The following SORCS3 variants were observed in gnomAD, a reference collection of about 807,000 sequenced individuals.
The protein encoded by SORCS3 is VPS10 domain-containing receptor SorCS3.
In SORCS3, 57 loss-of-function variants were observed where a neutral mutation model predicts 146.3. The ratio of observed to expected loss-of-function variants is 0.39; its 90% CI spans 0.31 to 0.49. The LOEUF (loss-of-function observed/expected upper bound fraction) is 0.49, where lower values mean the gene tolerates loss of function less well. SORCS3 is among the 20% of genes least tolerant of loss of function. The probability of loss-of-function intolerance (pLI) is 0.92; values close to 1 mark genes in which losing one functional copy is unlikely to be tolerated. For missense variants in SORCS3, 1,341 were observed against 1,575.5 expected (o/e 0.85, Z 2.52); for synonymous variants, 653 against 618.5 (o/e 1.06, Z -0.83).
intron 1 of SORCS3, among the ~76,000 whole-genome samples, chr10:104,798,090 T>C (rs953201751): frequency 6.6e-6 from 1 of 152,180 alleles, no homozygotes; most frequent in Non-Finnish European, 1.5e-5. Flanking sequence ...ACTCAGGCAC[T>C]CATCAATTAG....
chr10:105,221,682 G>T (rs371190502), intron 19 of SORCS3, among the ~76,000 whole-genome samples: 1 of 152,122 alleles, frequency 6.6e-6, no homozygotes. Flanking sequence ...AAATAAGGAC[G>T]GCTAGATGGC....
At chr10:104,818,215 A>C (rs890974563) in intron 1 of SORCS3, among the ~76,000 whole-genome samples, 3 of 152,098 alleles carry the variant, frequency 2.0e-5, no homozygotes, top group Admixed American at 1.3e-4. Flanking sequence ...AGTTGTTTGT[A>C]AATGTGACCC....
In SORCS3 at chr10:104,707,575, G is replaced by C. The variant is rs915488872; in HGVS notation, c.627+65621G>C. ...CCACAATGCAGGTTTGCATATAATA[G>C]GAGAGAGGTGGCCAACATCCATAGA... On this transcript the variant is annotated intron_variant, in intron 1 of 26. Transcript: ENST00000369701. 2.0e-5 allele frequency among the ~76,000 whole-genome samples: 3 copies of C among 152,148 alleles called. No individual in the cohort carries two copies. In the East Asian group the frequency reaches 5.8e-4, roughly 29 times the overall value.
At chr10:104,705,988 C>T (rs935647205) in intron 1 of SORCS3, among the ~76,000 whole-genome samples, 1 of 152,082 alleles carries the variant, frequency 6.6e-6, no homozygotes, top group South Asian at 2.1e-4. Flanking sequence ...CAAAATGAGA[C>T]TGTGAAGAGA....
At chr10:105,172,462 C>T (rs115158977) in intron 13 of SORCS3, among the ~76,000 whole-genome samples, 2,614 of 152,230 alleles carry the variant, frequency 0.017, 65 homozygotes, top group African/African-American at 0.057. Flanking sequence ...ATGTTATTCC[C>T]TTATTCTATC....
At chr10:104,738,696 C>T (rs981280211) in intron 1 of SORCS3, among the ~76,000 whole-genome samples, 2 of 152,140 alleles carry the variant, frequency 1.3e-5, no homozygotes, top group African/African-American at 4.8e-5. Context: ...ACCAACAGAC[C>T]TTGGGAAATG....
At chr10:105,059,406 A>C (rs1450793623) in intron 5 of SORCS3, among the ~76,000 whole-genome samples, 1 of 152,234 alleles carries the variant, frequency 6.6e-6, no homozygotes, top group Non-Finnish European at 1.5e-5. Flanking sequence ...ATTGTTTTAG[A>C]CTTTATTAAA....
chr10:104,949,931 A>G (rs2019410968), intron 3 of SORCS3, among the ~76,000 whole-genome samples: 1 of 152,238 alleles, frequency 6.6e-6, no homozygotes, highest in South Asian at 2.1e-4. Context: ...GTAATGAGTT[A>G]AGAGAGTAAT....
intron 1 of SORCS3, among the ~76,000 whole-genome samples, chr10:104,748,251 G>C (rs1279219581): frequency 6.6e-6 from 1 of 152,082 alleles, no homozygotes; most frequent in Non-Finnish European, 1.5e-5. Flanking sequence ...ACTTTACTGA[G>C]TCCCGTTCAG....
chr10:104,674,913 T>G (rs544734768), intron 1 of SORCS3, among the ~76,000 whole-genome samples: 1 of 152,242 alleles, frequency 6.6e-6, no homozygotes, highest in African/African-American at 2.4e-5. Context: ...ACATCTGACT[T>G]GTTTCCAATT....
chr10:104,794,582 A>G (rs2017529602), intron 1 of SORCS3, among the ~76,000 whole-genome samples: 1 of 147,456 alleles, frequency 6.8e-6, no homozygotes, highest in Non-Finnish European at 1.5e-5. Flanking sequence ...ATATCAAGGT[A>G]GATAGGGTGT....
intron 5 of SORCS3, among the ~76,000 whole-genome samples, chr10:105,055,888 T>A (rs1454188971): frequency 1.3e-5 from 2 of 152,208 alleles, no homozygotes; most frequent in African/African-American, 2.4e-5. Context: ...GTCATCAAAC[T>A]AAAGATTGTG....
chr10:104,693,730 T>C (rs2016142011), intron 1 of SORCS3, among the ~76,000 whole-genome samples: 1 of 152,146 alleles, frequency 6.6e-6, no homozygotes, highest in African/African-American at 2.4e-5. Flanking sequence ...CAGGGATCTA[T>C]AGCTGGTAAT....
At chr10:104,901,178 A>G (rs868471650) in intron 2 of SORCS3, among the ~76,000 whole-genome samples, 5 of 152,198 alleles carry the variant, frequency 3.3e-5, no homozygotes, top group South Asian at 2.1e-4. Flanking sequence ...TTAAGAGCCT[A>G]TAATATGCAT....
At chr10:105,009,870 T>C (rs1000189482) in intron 4 of SORCS3, among the ~76,000 whole-genome samples, 3 of 152,174 alleles carry the variant, frequency 2.0e-5, no homozygotes, top group Non-Finnish European at 4.4e-5. Context: ...CAAAACTCCC[T>C]TTCTCCCTGA....
rs117548304 is a variant in SORCS3, at chr10:105,143,462, A to T, written c.1302+3976A>T. The stretch of plus-strand genomic sequence containing the variant: ...GCCTATTTGATGTAGATCCTCTTAA[A>T]GATATCCCATTTAACCAAGGTTGTA... On this transcript the variant is annotated intron_variant, in intron 8 of 26. Transcript: ENST00000369701. Among the ~76,000 whole-genome samples the T allele has an allele frequency of 9.0e-3, 1,377 of 152,238 alleles. 33 individuals are homozygous for T. Among genetic ancestry groups the T allele is most frequent in the Admixed American group, 0.049 (752 of 15,276 alleles).
intron 1 of SORCS3, among the ~76,000 whole-genome samples, chr10:104,695,545 C>T (rs2016164484): frequency 6.6e-6 from 1 of 151,974 alleles, no homozygotes; most frequent in South Asian, 2.1e-4. Flanking sequence ...TTCTTTATCC[C>T]TGCCTCCCAA....
At chr10:104,988,405 TG>T (rs1204159420) in intron 4 of SORCS3, among the ~76,000 whole-genome samples, 1 of 152,102 alleles carries the variant, frequency 6.6e-6, no homozygotes, top group African/African-American at 2.4e-5. Flanking sequence ...GTTTCTGGAG[TG>T]GGACTTTGAG....
intron 1 of SORCS3, among the ~76,000 whole-genome samples, chr10:104,792,297 A>G (rs376523133): frequency 5.3e-5 from 8 of 152,168 alleles, no homozygotes; most frequent in African/African-American, 1.9e-4. Context: ...AGGGCTTGGT[A>G]GGGAGATGGT....
Sources: gnomAD v4.1 joint callset for allele counts (sites outside exome capture counted in the v4.1 genomes callset) on GRCh38, gnomAD v4.1.1 for gene constraint, MANE v1.5 for transcripts, NCBI Gene and HGNC (gene_info 2026-07-23, HGNC 2026-07-21) for gene names.